Variants in C3orf70 observed in about 807,000 individuals in gnomAD.
The protein encoded by C3orf70 is UPF0524 protein C3orf70.
In C3orf70, 15 loss-of-function variants were observed where a neutral mutation model predicts 20.7. The ratio of observed to expected loss-of-function variants is 0.72; its 90% CI spans 0.48 to 1.11. The LOEUF (loss-of-function observed/expected upper bound fraction) is 1.11, where lower values mean the gene tolerates loss of function less well. Among genes scored for constraint, C3orf70 ranks in the 50% most tolerant of loss-of-function variants. The pLI, the probability that C3orf70 is intolerant of heterozygous loss-of-function variation, is 0.00. For missense variants in C3orf70, 332 were observed against 317.6 expected (o/e 1.05, Z -0.34); for synonymous variants, 161 against 125.7 (o/e 1.28, Z -1.88).
At chr3:185,140,183 T>C (rs1472413435) in intron 1 of C3orf70, among the ~76,000 whole-genome samples, 5 of 152,216 alleles carry the variant, frequency 3.3e-5, no homozygotes, top group Non-Finnish European at 4.4e-5. Context: ...CAGTCATACG[T>C]GGACTCATGC....
intron 1 of C3orf70, among the ~76,000 whole-genome samples, chr3:185,099,897 G>A (rs746522820): frequency 3.9e-5 from 6 of 152,140 alleles, no homozygotes; most frequent in Non-Finnish European, 7.4e-5. Flanking sequence ...AACAGAAAAA[G>A]CAGGGGATGC....
chr3:185,105,869 A>G (rs1407524093), intron 1 of C3orf70, among the ~76,000 whole-genome samples: 1 of 152,144 alleles, frequency 6.6e-6, no homozygotes, highest in African/African-American at 2.4e-5. Flanking sequence ...TAACAATGGG[A>G]TAAGTGTGGG....
intron 1 of C3orf70, among the ~76,000 whole-genome samples, chr3:185,101,309 A>G (rs746332603): frequency 1.3e-5 from 2 of 152,246 alleles, no homozygotes; most frequent in Non-Finnish European, 2.9e-5. Flanking sequence ...CAAATCCAAC[A>G]GGACATCAAA....
At chr3:185,120,307 A>C (rs73190986) in intron 1 of C3orf70, among the ~76,000 whole-genome samples, 28,126 of 152,140 alleles carry the variant, frequency 0.18, 2,976 homozygotes, top group East Asian at 0.42. Context: ...TAGCCATTCA[A>C]TAAAGAACAA....
intron 1 of C3orf70, among the ~76,000 whole-genome samples, chr3:185,107,069 T>C (rs1019519525): frequency 6.6e-6 from 1 of 152,162 alleles, no homozygotes; most frequent in African/African-American, 2.4e-5. Context: ...AAATTACTAA[T>C]AAACACCCTA....
intron 1 of C3orf70, among the ~76,000 whole-genome samples, chr3:185,088,686 T>C (rs34663127): frequency 0.099 from 15,089 of 152,216 alleles, 848 homozygotes; most frequent in South Asian, 0.14. Context: ...CTAGGTTTCT[T>C]CATTATAAAG....
In C3orf70 at chr3:185,091,859, TTATATTATATATA is replaced by T. The variant is rs1321694520; in HGVS notation, c.197-8309_197-8297del. On this transcript the variant is annotated intron_variant, in intron 1 of 1. Coordinates refer to ENST00000335012, the MANE Select transcript of C3orf70 (RefSeq NM_001025266.3). ...GCCACCACACCCAGCTATATATGTA[TTATATTATATATA>T]TATATATAATATATATACACACATA... Among the ~76,000 whole-genome samples the T allele has an allele frequency of 1.4e-4, 17 of 124,454 alleles. 2 individuals are homozygous for T. The highest frequency in any genetic ancestry group is 5.3e-4 in the African/African-American group (16 of 30,214). 81.6% of individuals were successfully genotyped at this position (124,454 alleles called of 152,430 possible). A position where few individuals can be genotyped will look rare whatever the true frequency, so the allele number is the denominator to read the frequency against.
chr3:185,120,706 TCC>T (rs1716278685), intron 1 of C3orf70, among the ~76,000 whole-genome samples: 1 of 118,518 alleles, frequency 8.4e-6, no homozygotes, highest in Non-Finnish European at 1.7e-5. Context: ...ACGGTCATAA[TCC>T]AAAACTAAAA....
At chr3:185,106,220 C>A (rs1294460124) in intron 1 of C3orf70, among the ~76,000 whole-genome samples, 2 of 152,120 alleles carry the variant, frequency 1.3e-5, no homozygotes, top group Non-Finnish European at 2.9e-5. Flanking sequence ...TTAGAATACA[C>A]CCCCCAGATC....
rs757159118 is a variant in C3orf70 at position 185,152,807 on chromosome 3, G to A, written c.17C>T (p.Ser6Leu). Reference protein sequence around the residue: MSAAASPASERGWKSE... With the variant: MSAAALPASERGWKSE... ...CTTCCAACCCCGCTCCGACGCCGGC[G>A]AGGCCGCCGCACTCATTTCCTCTCC... Residue 6 changes from serine to leucine, a missense_variant, in exon 1 of 2, where the codon TCG becomes TTG. Ser to Leu is a moderately radical substitution (Grantham distance 145). Transcript: ENST00000335012. 19 of 1,563,658 alleles carry A rather than the reference G, an allele frequency of 1.2e-5. No individual in the cohort carries two copies. The highest frequency in any genetic ancestry group is 1.6e-5 in the Non-Finnish European group (18 of 1,153,372).
rs1686745586 is a variant in C3orf70, at chr3:185,122,732, C to T, written c.196+29896G>A. Among the ~76,000 whole-genome samples the T allele has an allele frequency of 1.3e-5, 2 of 152,112 alleles. 1 individual carries two copies. Among genetic ancestry groups the T allele is most frequent in the African/African-American group, 4.8e-5 (2 of 41,424 alleles). On this transcript the variant is annotated intron_variant, in intron 1 of 1. Transcript: ENST00000335012. ...AGTGTGTGAGTCTGAGTAGACTAGG[C>T]AGGAAGATCTGACCTCAATGTCGGC...
At chr3:185,085,905 C>A (rs944457035) in intron 1 of C3orf70, among the ~76,000 whole-genome samples, 73 of 152,246 alleles carry the variant, frequency 4.8e-4, no homozygotes, top group African/African-American at 1.7e-3. Context: ...GTAAATAAAA[C>A]GCGGAATGAA....
chr3:185,140,834 G>A (rs1716735820), intron 1 of C3orf70, among the ~76,000 whole-genome samples: 1 of 150,488 alleles, frequency 6.6e-6, no homozygotes, highest in Non-Finnish European at 1.5e-5. Flanking sequence ...CAGGCATGGT[G>A]ACCTACACCT....
rs1456030411 is a variant in C3orf70 at position 185,078,787 on chromosome 3, G to T, written c.*4220C>A. The T allele has an allele frequency of 6.6e-6, 1 of 152,198 alleles. No homozygotes were observed. The highest frequency in any genetic ancestry group is 6.5e-5 in the Admixed American group (1 of 15,284). The allele number at this position is 152,198 out of a possible 1,614,324, so 9.4% of individuals were successfully genotyped here. On this transcript the variant is annotated 3_prime_UTR_variant, in exon 2 of 2. Coordinates refer to ENST00000335012, the MANE Select transcript of C3orf70 (RefSeq NM_001025266.3). ...CAAACAAGATGTGGGAATATTAAGA[G>T]CTGACTGTAGAAATATTTTAACTTG...
intron 1 of C3orf70, among the ~76,000 whole-genome samples, chr3:185,100,408 A>T (rs553779146): frequency 5.3e-5 from 8 of 152,308 alleles, no homozygotes; most frequent in African/African-American, 1.7e-4. Context: ...AAAACCATAC[A>T]ATTATATGGA....
chr3:185,090,469 A>T (rs967423021), intron 1 of C3orf70, among the ~76,000 whole-genome samples: 1 of 152,188 alleles, frequency 6.6e-6, no homozygotes, highest in African/African-American at 2.4e-5. Context: ...TTGACACAAG[A>T]AGTATACTGC....
At chr3:185,140,191 T>C (rs959218413) in intron 1 of C3orf70, among the ~76,000 whole-genome samples, 1 of 152,232 alleles carries the variant, frequency 6.6e-6, no homozygotes, top group Non-Finnish European at 1.5e-5. Flanking sequence ...CGTGGACTCA[T>C]GCAGTTCAAA....
At chr3:185,098,340 T>C (rs996367679) in intron 1 of C3orf70, among the ~76,000 whole-genome samples, 4 of 152,266 alleles carry the variant, frequency 2.6e-5, no homozygotes, top group African/African-American at 4.8e-5. Flanking sequence ...CATTTAATGT[T>C]GCTAATAAAA....
chr3:185,097,020 G>A (rs1041434368), intron 1 of C3orf70, among the ~76,000 whole-genome samples: 1 of 151,936 alleles, frequency 6.6e-6, no homozygotes, highest in Non-Finnish European at 1.5e-5. Context: ...AGGCCCTGGG[G>A]GACTGCATAG....
Sources: gnomAD v4.1 joint callset for allele counts (sites outside exome capture counted in the v4.1 genomes callset) on GRCh38, gnomAD v4.1.1 for gene constraint, MANE v1.5 for transcripts, NCBI Gene and HGNC (gene_info 2026-07-23, HGNC 2026-07-21) for gene names.